The following POLR3C variants were observed in gnomAD, a reference collection of about 807,000 sequenced individuals.
POLR3C encodes DNA-directed RNA polymerase III subunit RPC3.
In POLR3C, 44 loss-of-function variants were observed where a neutral mutation model predicts 65.9. The ratio of observed to expected loss-of-function variants is 0.67; its 90% CI spans 0.52 to 0.86. POLR3C has a LOEUF of 0.86. Among genes scored for constraint, POLR3C ranks in the 40% least tolerant of loss-of-function variants. The pLI is 0.00. For missense variants in POLR3C, 576 were observed against 653.2 expected (o/e 0.88, Z 1.29); for synonymous variants, 263 against 231.6 (o/e 1.14, Z -1.23).
rs1350348206 is a variant in POLR3C at position 145,840,956 on chromosome 1, A to G, written c.1408A>G (p.Ile470Val). Residue 470 changes from isoleucine to valine, a missense_variant, in exon 14 of 15, where the codon ATC becomes GTC. By Grantham distance (29) the Ile-to-Val change is conservative. Transcript: ENST00000334163. ...AGAAAAATCTCAGAGGGTAGAAGCC[A>G]TCATTGCATCTATGCAGGCTACTGG... ...LLEKSQRVEAIIASMQATGAE... is the reference protein window; with the variant it reads ...LLEKSQRVEAVIASMQATGAE... 6.2e-7 allele frequency: 1 copy of G among 1,612,492 alleles called. No homozygotes were observed. The highest frequency in any genetic ancestry group is 1.3e-5 in the African/African-American group (1 of 74,912).
chr1:145,837,144 C>G (rs192191390), intron 9 of POLR3C, among the ~76,000 whole-genome samples: 68 of 152,098 alleles, frequency 4.5e-4, no homozygotes, highest in African/African-American at 1.6e-3. Context: ...CCCATCTCTA[C>G]CAAAAATACA....
At chr1:145,841,633 A>G (rs377509882) in intron 14 of POLR3C, among the ~76,000 whole-genome samples, 1 of 152,236 alleles carries the variant, frequency 6.6e-6, no homozygotes, top group East Asian at 1.9e-4. Context: ...TTATACAAAA[A>G]CAACCAACTT....
In POLR3C at chr1:145,836,605, C is replaced by A. The variant is rs201509755; in HGVS notation, c.957+31C>A. On this transcript the variant is annotated intron_variant, in intron 8 of 14. Transcript: ENST00000334163. The stretch of plus-strand genomic sequence containing the variant: ...TCTGTTTTTGCTTTTTTTCTTTTTT[C>A]TTTAGCCTGTACTGTTGATAATTTA... The A allele has an allele frequency of 1.1e-4, 153 of 1,336,990 alleles. 1 individual carries two copies. In the East Asian group the frequency reaches 3.2e-3, roughly 28 times the overall value. 82.8% of individuals were successfully genotyped at this position (1,336,990 alleles called of 1,614,324 possible). A position where few individuals can be genotyped will look rare whatever the true frequency, so the allele number is the denominator to read the frequency against.
intron 4 of POLR3C, among the ~76,000 whole-genome samples, chr1:145,827,515 T>G (rs1553726141): frequency 6.6e-6 from 1 of 151,378 alleles, no homozygotes; most frequent in Non-Finnish European, 1.5e-5. Flanking sequence ...ATCCCAGCAC[T>G]TTGGGAGGCC....
In POLR3C at chr1:145,841,064, G is replaced by C; in HGVS notation, c.1516G>C (p.Val506Leu). 6.2e-7 allele frequency: 1 copy of C among 1,613,472 alleles called. No individual in the cohort carries two copies. The highest frequency in any genetic ancestry group is 1.7e-4 in the Middle Eastern group (1 of 6,060). The change falls in exon 14 of 15, where the codon GTC (valine) becomes CTC (leucine). Residue 506 changes from valine to leucine, a missense_variant. Physicochemically the swap from Val to Leu is conservative, Grantham distance 32. Transcript: ENST00000334163. ...RQQLETLKRN[V>L]NKLDASEIQV... Reference sequence around the variant, plus strand: ...GCAGCTAGAGACCCTGAAACGTAATGTCAACAAGTAAGCATCATAAACTTC... The same window carrying C: ...GCAGCTAGAGACCCTGAAACGTAATCTCAACAAGTAAGCATCATAAACTTC...
In POLR3C at chr1:145,838,703, AAAAAAC is replaced by A. The variant is rs587735285; in HGVS notation, c.1221+503_1221+508del. On this transcript the variant is annotated intron_variant, in intron 11 of 14. Transcript: ENST00000334163. ...CTCTGTCTCAAAAAACAAAAAAAAC[AAAAAAC>A]AAAAAAGAGGCAGAGCCAGGACATC... Among the ~76,000 whole-genome samples the A allele has an allele frequency of 4.8e-3, 724 of 151,806 alleles. 3 individuals carry two copies. Among genetic ancestry groups the A allele is most frequent in the Non-Finnish European group, 7.8e-3 (532 of 67,964 alleles).
chr1:145,842,874 G>A lies in POLR3C; in HGVS notation c.*454G>A, dbSNP rs1484547988. On this transcript the variant is annotated 3_prime_UTR_variant, in exon 15 of 15. Transcript: ENST00000334163. ...GTCACTCAGGCTGGGGTGTAATAGC[G>A]CAATCACAGCTCCCTACAGCCTTGA... is the stretch of plus-strand genomic sequence containing the variant. Among the ~76,000 whole-genome samples the A allele has an allele frequency of 2.0e-5, 3 of 149,406 alleles. No individual in the cohort carries two copies. The highest frequency in any genetic ancestry group is 6.6e-5 in the Admixed American group (1 of 15,140).
intron 1 of POLR3C, among the ~76,000 whole-genome samples, chr1:145,825,265 C>G (rs142299644): frequency 6.6e-6 from 1 of 152,042 alleles, no homozygotes; most frequent in Non-Finnish European, 1.5e-5. Flanking sequence ...CCCGCCACCA[C>G]GCCCAGCTAA....
intron 5 of POLR3C, among the ~76,000 whole-genome samples, chr1:145,829,939 ATTAT>A (rs1441740015): frequency 2.0e-5 from 3 of 152,190 alleles, no homozygotes; most frequent in Non-Finnish European, 4.4e-5. Context: ...TATAACTGGA[ATTAT>A]TTATTATTTG....
In POLR3C at chr1:145,826,489, C is replaced by A; in HGVS notation, c.183C>A (p.Asn61Lys). The change falls in exon 3 of 15, where the codon AAC (asparagine) becomes AAA (lysine). Residue 61 changes from asparagine (N) to lysine (K), a missense_variant. Coordinates refer to ENST00000334163, the MANE Select transcript of POLR3C (RefSeq NM_006468.8). Reference sequence around the variant, plus strand: ...CCCTGTGTGTCCTCGTCCAACATAACCTGGTGAGTTATCAAGTGCACAAAC... The same window carrying A: ...CCCTGTGTGTCCTCGTCCAACATAAACTGGTGAGTTATCAAGTGCACAAAC... ...KKALCVLVQHNLVSYQVHKRG... is the reference protein window; with the variant it reads ...KKALCVLVQHKLVSYQVHKRG... The A allele has an allele frequency of 6.2e-7, 1 of 1,613,592 alleles. No individual in the cohort carries two copies. The highest frequency in any genetic ancestry group is 8.5e-7 in the Non-Finnish European group (1 of 1,179,840).
At chr1:145,839,818 A>G (rs960627934) in intron 11 of POLR3C, 72 bp from the exon 12 acceptor site, 68 of 814,624 alleles carry the variant, frequency 8.3e-5, no homozygotes, top group Non-Finnish European at 1.3e-4. Flanking sequence ...AACTCCAGGT[A>G]GAATGAGTGT....
In POLR3C at chr1:145,836,344, T is replaced by A. The variant is rs1570743717; in HGVS notation, c.877-150T>A. ...CATATTGGTCAGGCTGGTCTCCAAC[T>A]CTTGACCCAAAGTGATCCACCTGCC... On this transcript the variant is annotated intron_variant, in intron 7 of 14. Coordinates refer to ENST00000334163, the MANE Select transcript of POLR3C (RefSeq NM_006468.8). 5.6e-5 allele frequency: 35 copies of A among 629,654 alleles called. No individual in the cohort carries two copies. The East Asian group carries it at 9.5e-4, about 17-fold the overall frequency. 39.0% of individuals were successfully genotyped at this position (629,654 alleles called of 1,614,324 possible).
At chr1:145,839,743 T>A in intron 11 of POLR3C, 147 bp from the exon 12 acceptor site, 1 of 598,058 alleles carries the variant, frequency 1.7e-6, no homozygotes, top group Non-Finnish European at 3.0e-6. Context: ...AATAAATAAA[T>A]AAAATAAACA....
Position 145,828,769 on chromosome 1 carries a change from T to A in POLR3C, c.610T>A (p.Ser204Thr), listed in dbSNP as rs1651042392. ...SLIGKGKRRR[S>T]SDEDAAGEPK... ...GGCAGGGAAAGGTAAAAGGAGGAGA[T>A]CATCTGATGAAGATGCTGCTGGGGA... Residue 204 changes from serine to threonine, a missense_variant, in exon 5 of 15, where the codon TCA (serine) becomes ACA (threonine). By Grantham distance (58) the Ser-to-Thr change is moderately conservative (BLOSUM62 1). Coordinates refer to ENST00000334163, the MANE Select transcript of POLR3C (RefSeq NM_006468.8). 1 of 1,608,388 alleles carries A rather than the reference T, an allele frequency of 6.2e-7. No individual in the cohort carries two copies. The highest frequency in any genetic ancestry group is 1.3e-5 in the African/African-American group (1 of 74,760).
rs782138034 is a variant in POLR3C, at chr1:145,830,941, C to CA, written c.678+2115dup. Among the ~76,000 whole-genome samples, 505 of 141,160 alleles carry CA rather than the reference C, an allele frequency of 3.6e-3. 3 individuals are homozygous for CA. The highest frequency in any genetic ancestry group is 0.015 in the Middle Eastern group (4 of 268). 92.6% of individuals were successfully genotyped at this position (141,160 alleles called of 152,430 possible). A position where few individuals can be genotyped will look rare whatever the true frequency, so the allele number is the denominator to read the frequency against. Reference sequence around the variant, plus strand: ...CAACATAGTGAGACCCCATCTGTACCAAAAAAAAAAACACCAGACCTGGTG... The same window carrying CA: ...CAACATAGTGAGACCCCATCTGTACCAAAAAAAAAAAACACCAGACCTGGTG... On this transcript the variant is annotated intron_variant, in intron 5 of 14. Coordinates refer to ENST00000334163, the MANE Select transcript of POLR3C (RefSeq NM_006468.8).
rs1651860959 is a variant in POLR3C, at chr1:145,836,526, C to T, written c.909C>T (p.Ile303=). The T allele has an allele frequency of 1.2e-6, 2 of 1,608,714 alleles. No individual in the cohort carries two copies. Among genetic ancestry groups the T allele is most frequent in the South Asian group, 1.1e-5 (1 of 90,978 alleles). Reference sequence around the variant, plus strand: ...GATCCCTACCTGTTGGCTATAACATCTCTAAGCAAGTTCTTGATCAGTATC... The same window carrying T: ...GATCCCTACCTGTTGGCTATAACATTTCTAAGCAAGTTCTTGATCAGTATC... ...IFRSLPVGYN[I]SKQVLDQYLT... The change falls in exon 8 of 15, where the codon ATC becomes ATT. Residue 303 remains isoleucine (I), a synonymous_variant. Transcript: ENST00000334163.
rs374177149 is a variant in POLR3C at position 145,840,910 on chromosome 1, T to C, written c.1374-12T>C. 2 of 1,610,042 alleles carry C rather than the reference T, an allele frequency of 1.2e-6. No individual in the cohort carries two copies. Among genetic ancestry groups the C allele is most frequent in the Non-Finnish European group, 1.7e-6 (2 of 1,176,488 alleles). On this transcript the variant is annotated splice_polypyrimidine_tract_variant and intron_variant, in intron 13 of 14. Transcript: ENST00000334163. ...TTAGGGAAGATGTCTCAGAGTTGTG[T>C]TTGTTTGACAGGCGTCTACTAGAAA...
At chr1:145,829,360 T>G (rs1263635727) in intron 5 of POLR3C, among the ~76,000 whole-genome samples, 1 of 152,218 alleles carries the variant, frequency 6.6e-6, no homozygotes, top group Non-Finnish European at 1.5e-5. Context: ...CCAAAATCCT[T>G]GGAACCCTCT....
chr1:145,836,751 G>C, intron 8 of POLR3C, 64 bp from the exon 9 acceptor site: 1 of 1,116,440 alleles, frequency 9.0e-7, no homozygotes, highest in Non-Finnish European at 1.4e-6. Flanking sequence ...GGTCAGATTT[G>C]TTCCATTGGA....
Sources: gnomAD v4.1 joint callset for allele counts (sites outside exome capture counted in the v4.1 genomes callset) on GRCh38, gnomAD v4.1.1 for gene constraint, MANE v1.5 for transcripts, NCBI Gene and HGNC (gene_info 2026-07-23, HGNC 2026-07-21) for gene names.